The following KPNB1 variants were observed in gnomAD, a reference collection of about 807,000 sequenced individuals.
KPNB1 encodes the protein karyopherin subunit beta 1.
Under a neutral mutation model 113.0 loss-of-function variants are expected in KPNB1, and 7 were observed. The observed-to-expected ratio is 0.06, with a 90% CI of 0.04 to 0.12. The LOEUF (loss-of-function observed/expected upper bound fraction) is 0.12, where lower values mean the gene tolerates loss of function less well. Ranked by LOEUF, KPNB1 falls within the 10% of genes least tolerant of loss-of-function variation. KPNB1 has a pLI of 1.00. For synonymous variants in KPNB1, 363 were observed against 378.6 expected (o/e 0.96, Z 0.48); for missense variants, 400 against 1,054.8 (o/e 0.38, Z 8.60).
intron 5 of KPNB1, 44 bp from the exon 6 acceptor site, chr17:47,661,075 A>G (rs1414444948): frequency 4.1e-6 from 6 of 1,477,180 alleles, no homozygotes; most frequent in African/African-American, 1.4e-5. Context: ...TCCTACGTAC[A>G]GGTTATGCTC....
rs550100990 is a variant in KPNB1 at position 47,676,687 on chromosome 17, C to T, written c.1995+196C>T. On this transcript the variant is annotated intron_variant, in intron 16 of 21. Transcript: ENST00000290158. Reference sequence around the variant, plus strand: ...ACAGGATATTAGATGTACCAGATAACGGTGGACAAGATATTAGATGTAACA... The same window carrying T: ...ACAGGATATTAGATGTACCAGATAATGGTGGACAAGATATTAGATGTAACA... Among the ~76,000 whole-genome samples the T allele has an allele frequency of 4.6e-5, 7 of 151,878 alleles. No homozygotes were observed. In the South Asian group the frequency reaches 8.3e-4, roughly 18 times the overall value.
At position 47,680,684 on chromosome 17, in the gene KPNB1, C is replaced by T. The variant is rs1379634199; in HGVS notation, c.2630+15C>T. 6.2e-7 allele frequency: 1 copy of T among 1,610,732 alleles called. No homozygotes were observed. Among genetic ancestry groups the T allele is most frequent in the Admixed American group, 1.7e-5 (1 of 59,554 alleles). ...AACCAAGCTTGGTAAGATCTTGCCT[C>T]CACTGTCCTCTTTCTTCTACTTCCT... On this transcript the variant is annotated intron_variant, in intron 21 of 21. Transcript: ENST00000290158.
chr17:47,650,379 C>G lies in KPNB1; in HGVS notation c.41-7C>G, dbSNP rs912005487. On this transcript the variant is annotated splice_polypyrimidine_tract_variant and splice_region_variant and intron_variant, in intron 1 of 21. Coordinates refer to ENST00000290158, the MANE Select transcript of KPNB1 (RefSeq NM_002265.6). ...CCCCGCTCCGTCTCCCACTTTCCTC[C>G]CCCTAGATCGGCTGGAGCTGGAAGC... is the stretch of plus-strand genomic sequence containing the variant. The G allele has an allele frequency of 6.2e-7, 1 of 1,612,046 alleles. No individual in the cohort carries two copies. The highest frequency in any genetic ancestry group is 1.1e-5 in the South Asian group (1 of 90,906).
At position 47,674,688 on chromosome 17, in the gene KPNB1, G is replaced by A; in HGVS notation, c.1818G>A (p.Val606=). 1 of 1,614,126 alleles carries A rather than the reference G, an allele frequency of 6.2e-7. No individual in the cohort carries two copies. The highest frequency in any genetic ancestry group is 8.5e-7 in the Non-Finnish European group (1 of 1,179,968). Residue 606 remains valine (V), a synonymous_variant, in exon 15 of 22, where the codon GTG becomes GTA. Transcript: ENST00000290158. ...AAGATGCTTTGCAGATCTCTGATGT[G>A]GTTATGGCCTCCCTGTTAAGGATGT... ...QHQDALQISD[V]VMASLLRMFQ...
chr17:47,663,553 A>G (rs2030173079), intron 7 of KPNB1, among the ~76,000 whole-genome samples: 1 of 151,950 alleles, frequency 6.6e-6, no homozygotes, highest in Non-Finnish European at 1.5e-5. Flanking sequence ...AATCCCAGCT[A>G]CTCTGGAGGC....
Position 47,665,045 on chromosome 17 carries a change from G to T in KPNB1, c.898-12G>T. 6.2e-7 allele frequency: 1 copy of T among 1,613,132 alleles called. No homozygotes were observed. The highest frequency in any genetic ancestry group is 1.7e-5 in the Admixed American group (1 of 59,986). ...GTTGCTTTTGTCTAGAATTTGCTTT[G>T]TTTCTCCTCAGGCAGCAGAACAAGG... On this transcript the variant is annotated splice_polypyrimidine_tract_variant and intron_variant, in intron 8 of 21. Coordinates refer to ENST00000290158, the MANE Select transcript of KPNB1 (RefSeq NM_002265.6).
chr17:47,673,830 A>G lies in KPNB1; in HGVS notation c.1767+269A>G, dbSNP rs2030520033. The G allele has an allele frequency of 1.8e-5, 8 of 441,260 alleles. No homozygotes were observed. The South Asian group carries it at 2.4e-4, about 13-fold the overall frequency. 27.3% of individuals were successfully genotyped at this position (441,260 alleles called of 1,614,324 possible). On this transcript the variant is annotated intron_variant, in intron 14 of 21. Transcript: ENST00000290158. Reference sequence around the variant, plus strand: ...AATCAAACCAACTTGACTTCTCCTAATTCAACATACACTCCTCAGACCTCT... The same window carrying G: ...AATCAAACCAACTTGACTTCTCCTAGTTCAACATACACTCCTCAGACCTCT...
At chr17:47,654,107 C>T (rs999848857) in intron 3 of KPNB1, among the ~76,000 whole-genome samples, 1 of 151,956 alleles carries the variant, frequency 6.6e-6, no homozygotes, top group African/African-American at 2.4e-5. Flanking sequence ...TAACACCAAC[C>T]CTTTAAAAAA....
intron 15 of KPNB1, 101 bp downstream of exon 15, chr17:47,674,883 C>A: frequency 8.3e-7 from 1 of 1,200,774 alleles, no homozygotes; most frequent in Non-Finnish European, 1.2e-6. Flanking sequence ...GTGGCACGAT[C>A]TTGGCGCACT....
At chr17:47,652,564 A>G in intron 2 of KPNB1, 130 bp from the exon 3 acceptor site, 1 of 573,590 alleles carries the variant, frequency 1.7e-6, no homozygotes, top group Non-Finnish European at 2.9e-6. Flanking sequence ...TGAAATGCTT[A>G]TATCAAAAAA....
chr17:47,654,529 AACTAAT>A (rs1394718525), intron 3 of KPNB1, among the ~76,000 whole-genome samples: 4 of 152,242 alleles, frequency 2.6e-5, no homozygotes, highest in East Asian at 1.9e-4. Flanking sequence ...GCACAACGAT[AACTAAT>A]ACTAAGTTTC....
At chr17:47,675,361 G>GGTTTTTTTTTTTTTTTTTT (rs2030566469) in intron 15 of KPNB1, among the ~76,000 whole-genome samples, 1 of 88,692 alleles carries the variant, frequency 1.1e-5, no homozygotes, top group Non-Finnish European at 2.3e-5. Context: ...CAGAGGTGTT[G>GGTTTTTTTTTTTTTTTTTT]TTTTTTTTTT....
At chr17:47,651,156 G>GAA in intron 2 of KPNB1, 2 of 959,614 alleles carry the variant, frequency 2.1e-6, no homozygotes, top group Non-Finnish European at 2.5e-6. Flanking sequence ...GTTTGCTGAT[G>GAA]AAATCACAGG....
chr17:47,672,100 G>T (rs896684925), intron 12 of KPNB1, among the ~76,000 whole-genome samples: 2 of 151,534 alleles, frequency 1.3e-5, no homozygotes, highest in Non-Finnish European at 2.9e-5. Context: ...CAACCTCCTG[G>T]GTTCAAGTGA....
chr17:47,666,322 GGATTATAGGCGT>G (rs896751746), intron 9 of KPNB1, among the ~76,000 whole-genome samples: 3 of 151,052 alleles, frequency 2.0e-5, no homozygotes, highest in African/African-American at 7.3e-5. Flanking sequence ...CAAAGTGCTG[GGATTATAGGCGT>G]GAGCCACTGT....
chr17:47,680,365 T>C, intron 20 of KPNB1, 143 bp from the exon 21 acceptor site: 1 of 921,638 alleles, frequency 1.1e-6, no homozygotes, highest in Non-Finnish European at 1.7e-6. Context: ...GGTCAACAAT[T>C]GCCTCTGTCT....
chr17:47,678,717 C>G (rs767926688), intron 19 of KPNB1: 24 of 308,788 alleles, frequency 7.8e-5, no homozygotes, highest in Non-Finnish European at 1.4e-4. Flanking sequence ...AAGCAGTTCT[C>G]CTGCCTCAGC....
chr17:47,676,588 C>T (rs1265670370), intron 16 of KPNB1, 97 bp downstream of exon 16: 1 of 886,326 alleles, frequency 1.1e-6, no homozygotes, highest in Non-Finnish European at 1.8e-6. Context: ...GTAGTTTTTC[C>T]TGATACATTG....
intron 15 of KPNB1, among the ~76,000 whole-genome samples, chr17:47,676,112 T>A (rs182813121): frequency 2.0e-5 from 3 of 152,278 alleles, no homozygotes; most frequent in Admixed American, 6.5e-5. Flanking sequence ...CATTTAAAAT[T>A]AACCTTGACA....
Sources: gnomAD v4.1 joint callset for allele counts (sites outside exome capture counted in the v4.1 genomes callset) on GRCh38, gnomAD v4.1.1 for gene constraint, MANE v1.5 for transcripts, NCBI Gene and HGNC (gene_info 2026-07-23, HGNC 2026-07-21) for gene names.